The following TRMT44 variants were observed in gnomAD, a reference collection of about 807,000 sequenced individuals.
TRMT44 encodes the protein probable tRNA (uracil-O(2)-)-methyltransferase.
TRMT44 carries 78 observed loss-of-function variants against 77.3 expected under a neutral mutation model. The observed-to-expected ratio is 1.01, with a 90% confidence interval of 0.84 to 1.22. The LOEUF is 1.22. TRMT44 is among the 50% of genes most tolerant of loss of function. The probability of loss-of-function intolerance (pLI) is 0.00; values close to 1 mark genes in which losing one functional copy is unlikely to be tolerated. For missense variants in TRMT44, 1,090 were observed against 964.4 expected (o/e 1.13, Z -1.73); for synonymous variants, 391 against 383.3 (o/e 1.02, Z -0.23).
At chr4:8,442,540 A>G (rs1335107240) in intron 1 of TRMT44, among the ~76,000 whole-genome samples, 2 of 152,230 alleles carry the variant, frequency 1.3e-5, no homozygotes, top group Non-Finnish European at 2.9e-5. Flanking sequence ...TAGGTTAGGA[A>G]TCCCCATTGG....
Position 8,468,211 on chromosome 4 carries a change from G to A in TRMT44, c.1792G>A (p.Val598Met). 6 of 1,614,256 alleles carry A rather than the reference G, an allele frequency of 3.7e-6. No homozygotes were observed. The highest frequency in any genetic ancestry group is 5.1e-6 in the Non-Finnish European group (6 of 1,180,048). ...TCATCCCAGAGAAAAGGCTGAGCGT[G>A]TGAGGAACTGTGCCGCCCTGCCACG... ...GFHPREKAERVRNCAALPRDF... is the reference protein window; with the variant it reads ...GFHPREKAERMRNCAALPRDF... The change falls in exon 9 of 11, where the codon GTG (valine) becomes ATG (methionine). Residue 598 changes from valine (V) to methionine (M), a missense_variant. Physicochemically the swap from Val to Met is conservative, Grantham distance 21. Coordinates refer to ENST00000389737, the MANE Select transcript of TRMT44 (RefSeq NM_152544.3).
chr4:8,493,019 G>A (rs894883233), intron 2 of TRMT44, among the ~76,000 whole-genome samples: 2 of 152,134 alleles, frequency 1.3e-5, no homozygotes, highest in East Asian at 1.9e-4. Context: ...TTCCTAAATC[G>A]ACTGAGACCT....
chr4:8,501,278 G>T, the TRMT44 span, among the ~76,000 whole-genome samples: 1 of 152,192 alleles, frequency 6.6e-6, no homozygotes, highest in East Asian at 1.9e-4. The surrounding 1 kb of genome is among the most constrained non-coding windows in gnomAD (Gnocchi z 4.4). Context: ...TCCATCGGGG[G>T]ATGTGGGGCA....
intron 7 of TRMT44, among the ~76,000 whole-genome samples, chr4:8,464,331 T>G (rs949110354): frequency 1.3e-5 from 2 of 152,260 alleles, no homozygotes; most frequent in Non-Finnish European, 2.9e-5. Context: ...CTGAGATTGT[T>G]CACATTATAT....
chr4:8,483,193 G>A (rs964358058), intron 2 of TRMT44, among the ~76,000 whole-genome samples: 6 of 152,202 alleles, frequency 3.9e-5, no homozygotes, highest in Non-Finnish European at 8.8e-5. Flanking sequence ...TCTGATTAGA[G>A]AGTGCCTAAG....
chr4:8,485,915 C>G (rs766423744), intron 2 of TRMT44, among the ~76,000 whole-genome samples: 1 of 152,120 alleles, frequency 6.6e-6, no homozygotes, highest in African/African-American at 2.4e-5. Context: ...AAGAAGGCAA[C>G]GTGGAGTGGG....
chr4:8,496,704 C>T (rs1367717698), downstream of TRMT44, among the ~76,000 whole-genome samples: 1 of 152,054 alleles, frequency 6.6e-6, no homozygotes, highest in African/African-American at 2.4e-5. Context: ...ACTGTGGCTC[C>T]CTCAGAGAGA....
rs185506369 is a variant in TRMT44, at chr4:8,458,003, G to T, written c.1203+3190G>T. Among the ~76,000 whole-genome samples, 11 of 152,336 alleles carry T rather than the reference G, an allele frequency of 7.2e-5. No homozygotes were observed. In the East Asian group the frequency reaches 1.9e-3, roughly 27 times the overall value. On this transcript the variant is annotated intron_variant, in intron 6 of 10. Transcript: ENST00000389737. ...ACTACAGACGACCTGATGGAGATGA[G>T]TGCTGCCAACCCAGCGCCAGATGAT...
At chr4:8,479,260 C>T (rs369778266), downstream of TRMT44, 1 of 110,550 alleles carries the variant, frequency 9.0e-6, no homozygotes, top group African/African-American at 3.4e-5. Context: ...GCCGTTTTTG[C>T]TTGGAAACTA....
intron 2 of TRMT44, among the ~76,000 whole-genome samples, chr4:8,490,483 T>C (rs969928743): frequency 4.0e-5 from 6 of 150,848 alleles, no homozygotes; most frequent in African/African-American, 1.5e-4. Flanking sequence ...GAGTTGTTCA[T>C]TCCTCCCAGT....
chr4:8,450,802 T>G (rs1032426619), intron 3 of TRMT44, among the ~76,000 whole-genome samples: 2 of 147,620 alleles, frequency 1.4e-5, no homozygotes, highest in African/African-American at 5.0e-5. Context: ...GTTTTTTTTT[T>G]TTTTTTTTTT....
chr4:8,449,603 A>G (rs1442079010), intron 2 of TRMT44, 66 bp from the exon 3 acceptor site: 1 of 1,272,928 alleles, frequency 7.9e-7, no homozygotes, highest in African/African-American at 1.5e-5. Context: ...TAGGTAAATA[A>G]ATAGATAATT....
the TRMT44 span, among the ~76,000 whole-genome samples, chr4:8,515,249 G>A: frequency 1.3e-5 from 2 of 152,208 alleles, no homozygotes; most frequent in African/African-American, 4.8e-5. Flanking sequence ...TTACAGGTGT[G>A]AGCCAATGCA....
intron 1 of TRMT44, among the ~76,000 whole-genome samples, chr4:8,443,958 T>TAA (rs112145923): frequency 7.7e-6 from 1 of 129,166 alleles, no homozygotes; most frequent in Non-Finnish European, 1.6e-5. Flanking sequence ...GGACTCAGTC[T>TAA]AAAAAAAAAA....
At chr4:8,504,444 G>T in the TRMT44 span, among the ~76,000 whole-genome samples, 1 of 152,070 alleles carries the variant, frequency 6.6e-6, no homozygotes. The surrounding 1 kb of genome is among the most constrained non-coding windows in gnomAD (Gnocchi z 5.3). Context: ...TTTTCAGCCA[G>T]CAGCTCCTGC....
At chr4:8,485,411 A>G (rs56786060) in intron 2 of TRMT44, among the ~76,000 whole-genome samples, 3,909 of 152,326 alleles carry the variant, frequency 0.026, 160 homozygotes, top group African/African-American at 0.088. Flanking sequence ...GTTTTTGGAC[A>G]GGTAAAATGG....
exon 3 of TRMT44, chr4:8,493,347 G>A (rs1184122803): frequency 6.6e-6 from 1 of 152,138 alleles, no homozygotes; most frequent in Non-Finnish European, 1.5e-5. Flanking sequence ...CCCAGGAATG[G>A]ACTCAGCTCA....
chr4:8,481,600 C>T (rs868574412), intron 2 of TRMT44, among the ~76,000 whole-genome samples: 1 of 152,264 alleles, frequency 6.6e-6, no homozygotes, highest in Non-Finnish European at 1.5e-5. Flanking sequence ...CTGCCTCACC[C>T]TCCCAAAGTG....
At chr4:8,479,840 AACAC>A (rs200906033), downstream of TRMT44, among the ~76,000 whole-genome samples, 7 of 152,188 alleles carry the variant, frequency 4.6e-5, no homozygotes, top group African/African-American at 1.7e-4. Context: ...AACAGCTTAA[AACAC>A]ACATCGTACA....
Sources: allele counts gnomAD v4.1 joint callset (sites outside exome capture counted in the v4.1 genomes callset), GRCh38; gene constraint gnomAD v4.1.1; non-coding constraint Gnocchi (gnomAD v3.1); transcripts MANE v1.5; gene names NCBI Gene and HGNC (gene_info 2026-07-23, HGNC 2026-07-21).